Variants in ZNF735 observed in about 807,000 individuals in gnomAD.
The protein encoded by ZNF735 is zinc finger protein 735, also known as putative zinc finger protein 735.
ZNF735 carries 11 observed loss-of-function variants against 13.4 expected under a neutral mutation model. The observed-to-expected ratio is 0.82, with a 90% CI of 0.52 to 1.36. The LOEUF (loss-of-function observed/expected upper bound fraction) is 1.36. ZNF735 is among the 40% of genes most tolerant of loss of function. ZNF735 has a pLI of 0.00. For synonymous variants in ZNF735, 171 were observed against 162.6 expected (o/e 1.05, Z -0.39); for missense variants, 500 against 484.6 (o/e 1.03, Z -0.30).
chr7:64,211,690 CCT>C (rs1362185541), intron 1 of ZNF735, among the ~76,000 whole-genome samples: 1 of 151,480 alleles, frequency 6.6e-6, no homozygotes, highest in East Asian at 1.9e-4. Flanking sequence ...CTGGTGAAAC[CCT>C]GTCTCTACTA....
At chr7:64,218,056 A>G (rs1465331492) in intron 3 of ZNF735, among the ~76,000 whole-genome samples, 1 of 152,088 alleles carries the variant, frequency 6.6e-6, no homozygotes, top group African/African-American at 2.4e-5. Context: ...ATCTTTTTTC[A>G]TTATATTATT....
chr7:64,207,391 TC>T, intron 1 of ZNF735, 150 bp downstream of exon 1: 1 of 1,476,374 alleles, frequency 6.8e-7, no homozygotes, highest in Non-Finnish European at 9.3e-7. Flanking sequence ...GTTAGCCCCC[TC>T]CAGCCCTAAG....
chr7:64,220,068 T>C (rs765553409), exon 4 of ZNF735: 5 of 1,612,526 alleles, frequency 3.1e-6, no homozygotes, highest in Admixed American at 3.3e-5. Context: ...GCTCCTCGAC[T>C]CTTAAGACAC....
Position 64,213,788 on chromosome 7 carries a change from G to A in ZNF735, c.167-225G>A, listed in dbSNP as rs1437173358. Among the ~76,000 whole-genome samples the A allele has an allele frequency of 4.9e-4, 74 of 151,816 alleles. 1 individual carries two copies. Among genetic ancestry groups the A allele is most frequent in the Admixed American group, 3.9e-3 (59 of 15,204 alleles). On this transcript the variant is annotated intron_variant, in intron 2 of 3. Coordinates refer to ENST00000429565, the Ensembl canonical transcript of ZNF735. ...AGCCTGGCTAATATGGTGAAACTCC[G>A]TCTCTACTAAAAATACAAAAATTAG...
exon 4 of ZNF735, chr7:64,219,332 A>T: frequency 6.2e-7 from 1 of 1,612,940 alleles, no homozygotes; most frequent in Non-Finnish European, 8.5e-7. Flanking sequence ...TCTCATTTCA[A>T]CCAAGACCTT....
At chr7:64,220,211 A>T (rs763669308) in exon 4 of ZNF735, 1 of 1,612,918 alleles carries the variant, frequency 6.2e-7, no homozygotes, top group Non-Finnish European at 8.5e-7. Context: ...GAAGAATGTG[A>T]CAAAGCTTTT....
chr7:64,218,656 T>C (rs1387921844), intron 3 of ZNF735, among the ~76,000 whole-genome samples: 1 of 152,114 alleles, frequency 6.6e-6, no homozygotes, highest in East Asian at 1.9e-4. Flanking sequence ...AAAATTTTGA[T>C]TTTTTTGATT....
exon 4 of ZNF735, chr7:64,219,842 C>T: frequency 6.2e-7 from 1 of 1,613,750 alleles, no homozygotes; most frequent in South Asian, 1.1e-5. Context: ...AGAATTCACA[C>T]TGGAGAGAAA....
intron 3 of ZNF735, among the ~76,000 whole-genome samples, chr7:64,217,468 GTT>G (rs577290571): frequency 2.0e-4 from 30 of 150,952 alleles, no homozygotes; most frequent in African/African-American, 7.0e-4. Context: ...CAGGTTTTCT[GTT>G]TTTTTTAATT....
At chr7:64,210,419 T>C (rs1194428219) in intron 1 of ZNF735, among the ~76,000 whole-genome samples, 1 of 152,176 alleles carries the variant, frequency 6.6e-6, no homozygotes, top group Non-Finnish European at 1.5e-5. Context: ...TAATAATGTG[T>C]CTGGGAAAGC....
intron 1 of ZNF735, among the ~76,000 whole-genome samples, chr7:64,210,318 T>C (rs2116478325): frequency 6.6e-6 from 1 of 152,306 alleles, no homozygotes; most frequent in Non-Finnish European, 1.5e-5. Context: ...TGGTGATTGG[T>C]TGTCTTTATT....
At chr7:64,207,577 G>A (rs1223599604) in intron 1 of ZNF735, among the ~76,000 whole-genome samples, 4 of 152,206 alleles carry the variant, frequency 2.6e-5, no homozygotes, top group Non-Finnish European at 5.9e-5. Context: ...CAGGGTGCAG[G>A]ATTCATAAGT....
chr7:64,213,344 T>A lies in ZNF735; in HGVS notation c.166+126T>A. 6 of 957,772 alleles carry A rather than the reference T, an allele frequency of 6.3e-6. No individual in the cohort carries two copies. In the South Asian group the frequency reaches 1.1e-4, roughly 18 times the overall value. 59.3% of individuals were successfully genotyped at this position (957,772 alleles called of 1,614,324 possible). Reference sequence around the variant, plus strand: ...CCGATTTAAAGAAAATCTTGGGGATTCATTGGTGTAGATTAAATTCTTCAA... The same window carrying A: ...CCGATTTAAAGAAAATCTTGGGGATACATTGGTGTAGATTAAATTCTTCAA... On this transcript the variant is annotated intron_variant, in intron 2 of 3. Transcript: ENST00000429565.
At chr7:64,219,927 T>G (rs765946051) in exon 4 of ZNF735, 4 of 1,613,900 alleles carry the variant, frequency 2.5e-6, no homozygotes, top group South Asian at 2.2e-5. Flanking sequence ...GAATTCATAC[T>G]GGAGAGAGAC....
chr7:64,212,458 T>C (rs1787371198), intron 1 of ZNF735, among the ~76,000 whole-genome samples: 1 of 152,190 alleles, frequency 6.6e-6, no homozygotes, highest in South Asian at 2.1e-4. Context: ...CTGAGAAATA[T>C]ACACAGCTTA....
intron 3 of ZNF735, 30 bp downstream of exon 3, chr7:64,214,138 C>G: frequency 6.3e-7 from 1 of 1,593,192 alleles, no homozygotes; most frequent in Non-Finnish European, 8.5e-7. Flanking sequence ...GCAGATGACA[C>G]GGATGAGATG....
chr7:64,209,382 T>A (rs896126194), intron 1 of ZNF735, among the ~76,000 whole-genome samples: 1 of 151,864 alleles, frequency 6.6e-6, no homozygotes, highest in Admixed American at 6.6e-5. Context: ...GGAGCTTCGC[T>A]TTCGCCCAGG....
chr7:64,214,320 C>T (rs2116484032), intron 3 of ZNF735, among the ~76,000 whole-genome samples: 1 of 152,176 alleles, frequency 6.6e-6, no homozygotes, highest in African/African-American at 2.4e-5. Flanking sequence ...AAGGATTCTA[C>T]TTTCATTTCA....
chr7:64,215,053 C>A (rs563420355), intron 3 of ZNF735, among the ~76,000 whole-genome samples: 36 of 149,706 alleles, frequency 2.4e-4, no homozygotes, highest in African/African-American at 7.9e-4. Flanking sequence ...ATCATTTGTC[C>A]ATTTCTTTTT....
Sources: allele counts gnomAD v4.1 joint callset (sites outside exome capture counted in the v4.1 genomes callset), GRCh38; gene constraint gnomAD v4.1.1; transcripts MANE v1.5; gene names NCBI Gene and HGNC (gene_info 2026-07-23, HGNC 2026-07-21).